The following SLC28A1 variants were observed in gnomAD, a reference collection of about 807,000 sequenced individuals.
SLC28A1 encodes the protein sodium/nucleoside cotransporter 1.
A neutral mutation model predicts 74.8 loss-of-function variants in SLC28A1; 64 were observed. That is an observed-to-expected ratio of 0.86 (90% CI 0.70 to 1.05). The LOEUF (loss-of-function observed/expected upper bound fraction) is 1.05, where lower values mean the gene tolerates loss of function less well. Ranked by LOEUF, SLC28A1 falls within the 50% of genes least tolerant of loss-of-function variation. The pLI, the probability that SLC28A1 is intolerant of heterozygous loss-of-function variation, is 0.00. For missense variants in SLC28A1, 828 were observed against 822.8 expected, an observed-to-expected ratio of 1.01 and a Z score of -0.08; for synonymous variants, 359 against 335.0, an observed-to-expected ratio of 1.07 and a Z score of -0.78.
At chr15:84,958,542 A>T in the SLC28A1 span, among the ~76,000 whole-genome samples, 1 of 152,026 alleles carries the variant, frequency 6.6e-6, no homozygotes, top group African/African-American at 2.4e-5. Flanking sequence ...ACTTCCTCTT[A>T]CAGTTTTTTG....
chr15:84,946,094 A>G (rs1266141713), downstream of SLC28A1, among the ~76,000 whole-genome samples: 271 of 14,162 alleles, frequency 0.019, 14 homozygotes, highest in African/African-American at 0.049. Context: ...TCATATATAT[A>G]TATATATATA....
downstream of SLC28A1, among the ~76,000 whole-genome samples, chr15:84,949,388 T>A (rs1279645250): frequency 6.6e-6 from 1 of 151,928 alleles, no homozygotes; most frequent in East Asian, 1.9e-4. Context: ...TGTTTTGCTT[T>A]GTTGTTTGTT....
intron 5 of SLC28A1, 89 bp from the exon 6 acceptor site, chr15:84,894,851 T>G: frequency 7.8e-7 from 1 of 1,274,982 alleles, no homozygotes; most frequent in Non-Finnish European, 1.1e-6. Context: ...ACGCTCTGGG[T>G]GGAGTAAGGT....
At chr15:84,968,899 C>T in the SLC28A1 span, among the ~76,000 whole-genome samples, 15 of 152,130 alleles carry the variant, frequency 9.9e-5, no homozygotes, top group African/African-American at 3.6e-4. Context: ...AAGCCCAGCC[C>T]ATCAGCCCGG....
At chr15:84,898,367 A>G (rs1213056402) in intron 6 of SLC28A1, among the ~76,000 whole-genome samples, 1 of 152,158 alleles carries the variant, frequency 6.6e-6, no homozygotes, top group Non-Finnish European at 1.5e-5. Flanking sequence ...TCACGAGGTC[A>G]GGAGATCCTG....
chr15:84,902,223 T>C (rs560097074), intron 6 of SLC28A1, among the ~76,000 whole-genome samples: 117 of 152,294 alleles, frequency 7.7e-4, no homozygotes, highest in Middle Eastern at 3.4e-3. Flanking sequence ...CTCACACCTA[T>C]AATCCCAGCA....
intron 9 of SLC28A1, among the ~76,000 whole-genome samples, chr15:84,911,858 C>CAAAAAAA (rs57067372): frequency 7.0e-5 from 8 of 114,700 alleles, no homozygotes; most frequent in South Asian, 2.7e-4. Context: ...GACTCCATCT[C>CAAAAAAA]AAAAAAAAAA....
intron 6 of SLC28A1, among the ~76,000 whole-genome samples, chr15:84,899,727 C>G (rs1039167027): frequency 6.6e-6 from 1 of 152,012 alleles, no homozygotes; most frequent in African/African-American, 2.4e-5. Context: ...ACATAAAAAG[C>G]AGATTTACGC....
At chr15:84,913,139 T>C (rs1004603743) in intron 9 of SLC28A1, among the ~76,000 whole-genome samples, 2 of 152,192 alleles carry the variant, frequency 1.3e-5, no homozygotes, top group Non-Finnish European at 2.9e-5. Flanking sequence ...GCAGCTACTC[T>C]GGACTTGGAG....
At chr15:84,932,563 C>T (rs1213678740) in intron 12 of SLC28A1, among the ~76,000 whole-genome samples, 1 of 152,156 alleles carries the variant, frequency 6.6e-6, no homozygotes, top group African/African-American at 2.4e-5. Context: ...TGGTGAGTTC[C>T]CCGTCACAGT....
At chr15:84,947,404 T>C (rs1251114488), downstream of SLC28A1, among the ~76,000 whole-genome samples, 1 of 152,208 alleles carries the variant, frequency 6.6e-6, no homozygotes, top group Non-Finnish European at 1.5e-5. Context: ...AGGACTGCCC[T>C]TGACCCCCTT....
At chr15:84,892,768 C>G (rs1173997792) in intron 5 of SLC28A1, among the ~76,000 whole-genome samples, 1 of 152,150 alleles carries the variant, frequency 6.6e-6, no homozygotes, top group Non-Finnish European at 1.5e-5. Context: ...CAGTGGCTTG[C>G]TTGCCTTAGG....
At chr15:84,914,325 ACCATC>A (rs1968767617) in intron 9 of SLC28A1, among the ~76,000 whole-genome samples, 1 of 152,082 alleles carries the variant, frequency 6.6e-6, no homozygotes, top group Admixed American at 6.5e-5. Flanking sequence ...ACCTCCTAAT[ACCATC>A]ACCTAGGGAA....
the SLC28A1 span, among the ~76,000 whole-genome samples, chr15:84,963,663 G>A: frequency 6.6e-6 from 1 of 152,172 alleles, no homozygotes; most frequent in Admixed American, 6.5e-5. Context: ...TTGTACACCA[G>A]GCCAGTCCAT....
At chr15:84,947,968 T>G (rs1425085091), downstream of SLC28A1, among the ~76,000 whole-genome samples, 2 of 151,428 alleles carry the variant, frequency 1.3e-5, no homozygotes, top group Non-Finnish European at 2.9e-5. Context: ...ATTCTAAAAT[T>G]TAATAGTTTA....
the SLC28A1 span, among the ~76,000 whole-genome samples, chr15:84,968,615 A>G: frequency 6.6e-6 from 1 of 152,242 alleles, no homozygotes; most frequent in South Asian, 2.1e-4. Context: ...ACATGAGCCA[A>G]CACTTTCTAA....
chr15:84,917,084 A>G (rs554018201), intron 9 of SLC28A1, among the ~76,000 whole-genome samples: 5 of 152,134 alleles, frequency 3.3e-5, no homozygotes, highest in African/African-American at 1.2e-4. Context: ...AGAAATAAAG[A>G]AAAAAGAAAA....
chr15:84,921,782 C>G (rs753028717), intron 11 of SLC28A1, among the ~76,000 whole-genome samples: 1 of 152,112 alleles, frequency 6.6e-6, no homozygotes, highest in Non-Finnish European at 1.5e-5. Flanking sequence ...TTAGTTTTGT[C>G]TTGTTTTTAG....
the SLC28A1 span, among the ~76,000 whole-genome samples, chr15:84,962,155 G>C: frequency 6.6e-6 from 1 of 151,602 alleles, no homozygotes; most frequent in Non-Finnish European, 1.5e-5. Context: ...GCTCACTGAA[G>C]CCTCCAACTC....
Sources: gnomAD v4.1 joint callset for allele counts (sites outside exome capture counted in the v4.1 genomes callset) on GRCh38, gnomAD v4.1.1 for gene constraint, MANE v1.5 for transcripts, NCBI Gene and HGNC (gene_info 2026-07-23, HGNC 2026-07-21) for gene names.